The following ABCC11 variants were observed in gnomAD, a reference collection of about 807,000 sequenced individuals.
The protein encoded by ABCC11 is ATP-binding cassette sub-family C member 11.
ABCC11 carries 135 observed loss-of-function variants against 149.3 expected under a neutral mutation model. That is an observed-to-expected ratio of 0.90 (90% confidence interval 0.79 to 1.04). The LOEUF (loss-of-function observed/expected upper bound fraction) is 1.04. Among genes scored for constraint, ABCC11 ranks in the 50% least tolerant of loss-of-function variants. The pLI is 0.00. For synonymous variants in ABCC11, 665 were observed against 671.4 expected (o/e 0.99, Z 0.15); for missense variants, 1,680 against 1,722.1 (o/e 0.98, Z 0.43).
At chr16:48,231,092 T>G (rs956307236) in intron 2 of ABCC11, among the ~76,000 whole-genome samples, 2 of 152,044 alleles carry the variant, frequency 1.3e-5, no homozygotes, top group African/African-American at 2.4e-5. Context: ...AGTGGTTACA[T>G]CAGGTAGGAA....
intron 9 of ABCC11, among the ~76,000 whole-genome samples, chr16:48,214,181 T>C (rs1261078288): frequency 6.6e-6 from 1 of 152,064 alleles, no homozygotes; most frequent in Admixed American, 6.6e-5. Context: ...AGGAATGCCT[T>C]CGTCTAGACC....
At chr16:48,200,240 C>G (rs374196507) in intron 15 of ABCC11, 36 bp downstream of exon 15, 1 of 1,593,868 alleles carries the variant, frequency 6.3e-7, no homozygotes, top group Non-Finnish European at 8.6e-7. Context: ...CTACGTTATC[C>G]GTCAATCACA....
chr16:48,178,171 T>A (rs1216444969), intron 24 of ABCC11, among the ~76,000 whole-genome samples: 4 of 151,870 alleles, frequency 2.6e-5, no homozygotes, highest in Non-Finnish European at 5.9e-5. Context: ...GAAAAGAGAG[T>A]TTGAATAAGT....
At chr16:48,246,084 A>G (rs544498520) in intron 1 of ABCC11, among the ~76,000 whole-genome samples, 3 of 152,258 alleles carry the variant, frequency 2.0e-5, no homozygotes, top group African/African-American at 7.2e-5. Flanking sequence ...TGCTTTCTTC[A>G]GATTCTCAAA....
chr16:48,180,110 C>T (rs1449570625), intron 23 of ABCC11, among the ~76,000 whole-genome samples: 2 of 152,208 alleles, frequency 1.3e-5, no homozygotes, highest in East Asian at 1.9e-4. Flanking sequence ...TGGTCTTATG[C>T]TTCAGGGAAG....
chr16:48,205,956 G>A (rs1028902044), intron 12 of ABCC11, among the ~76,000 whole-genome samples: 1 of 152,042 alleles, frequency 6.6e-6, no homozygotes, highest in Non-Finnish European at 1.5e-5. Context: ...GACTACTGGC[G>A]CCTGCCACCA....
intron 14 of ABCC11, among the ~76,000 whole-genome samples, chr16:48,201,127 T>C (rs1567513730): frequency 6.6e-6 from 1 of 152,252 alleles, no homozygotes; most frequent in Non-Finnish European, 1.5e-5. Context: ...TAAAGATATA[T>C]GACTTTTAAA....
intron 1 of ABCC11, among the ~76,000 whole-genome samples, chr16:48,246,493 A>C (rs11076560): frequency 0.047 from 7,150 of 152,318 alleles, 237 homozygotes; most frequent in Middle Eastern, 0.15. Context: ...GAACTTGAAA[A>C]GTCGATTTAG....
At chr16:48,171,572 A>G (rs1239750837) in intron 26 of ABCC11, among the ~76,000 whole-genome samples, 1 of 152,248 alleles carries the variant, frequency 6.6e-6, no homozygotes. Context: ...GAAAGTACAT[A>G]ATATTTATCA....
rs1966138373 is a variant in ABCC11, at chr16:48,177,206, G to A, written c.3349-93C>T. 34 of 1,317,282 alleles carry A rather than the reference G, an allele frequency of 2.6e-5. No homozygotes were observed. The South Asian group carries it at 4.6e-4, about 18-fold the overall frequency. The allele number at this position is 1,317,282 out of a possible 1,614,324, so 81.6% of individuals were successfully genotyped here. ...GCCAGCCTCCCGCTGTAGGGGGTGTGACCCACCCCAGCCTGCCTTGCGCCA... is the reference window on the plus strand; with the variant it reads ...GCCAGCCTCCCGCTGTAGGGGGTGTAACCCACCCCAGCCTGCCTTGCGCCA... On this transcript the variant is annotated intron_variant, in intron 24 of 29. Transcript: ENST00000356608.
At chr16:48,181,660 G>C (rs373588297) in intron 23 of ABCC11, among the ~76,000 whole-genome samples, 7 of 151,636 alleles carry the variant, frequency 4.6e-5, no homozygotes, top group African/African-American at 1.7e-4. Context: ...ACCCAGGCTG[G>C]AGTGCAGTGG....
chr16:48,169,022 C>T (rs768918675), intron 28 of ABCC11, among the ~76,000 whole-genome samples: 15 of 152,142 alleles, frequency 9.9e-5, no homozygotes, highest in African/African-American at 2.2e-4. Context: ...CAAACCTGCA[C>T]GTTCTGCACA....
intron 6 of ABCC11, among the ~76,000 whole-genome samples, chr16:48,220,324 CT>C (rs1365134935): frequency 6.6e-6 from 1 of 152,208 alleles, no homozygotes; most frequent in Non-Finnish European, 1.5e-5. Flanking sequence ...CCTCAGTTTC[CT>C]CCTTTGTGAC....
At chr16:48,206,458 G>A (rs1169311427) in intron 12 of ABCC11, among the ~76,000 whole-genome samples, 2 of 152,124 alleles carry the variant, frequency 1.3e-5, no homozygotes, top group Non-Finnish European at 2.9e-5. Context: ...AAAACAACAC[G>A]TTAAAAACAA....
intron 26 of ABCC11, among the ~76,000 whole-genome samples, chr16:48,175,039 T>C (rs1410384746): frequency 6.6e-6 from 1 of 152,262 alleles, no homozygotes; most frequent in Admixed American, 6.5e-5. Flanking sequence ...TTTTTGCGTA[T>C]AACATTACGG....
At chr16:48,207,650 C>CA (rs1313888082) in intron 12 of ABCC11, among the ~76,000 whole-genome samples, 31 of 136,410 alleles carry the variant, frequency 2.3e-4, no homozygotes, top group Admixed American at 1.1e-3. Context: ...CTGGATGTGT[C>CA]AAAAAAAAGA....
chr16:48,230,749 A>C (rs1970372997), intron 2 of ABCC11, among the ~76,000 whole-genome samples, 176 bp from the exon 3 acceptor site: 1 of 151,652 alleles, frequency 6.6e-6, no homozygotes, highest in Admixed American at 6.6e-5. Flanking sequence ...GGATCCCAGC[A>C]CTCGCTCTGA....
chr16:48,228,081 A>G (rs1970194835), intron 3 of ABCC11, 117 bp from the exon 4 acceptor site: 3 of 954,906 alleles, frequency 3.1e-6, no homozygotes, highest in Non-Finnish European at 3.0e-6. Context: ...ACATGTTTTC[A>G]TGACTCTTAT....
rs1342782948 is a variant in ABCC11, at chr16:48,198,035, C to T, written c.2250G>A (p.Glu750=). Residue 750 remains glutamate (E), a synonymous_variant, in exon 17 of 30, where the codon GAG becomes GAA. Transcript: ENST00000356608. ...GAGCCTGACTTTCTACCTTTGGCTT[C>T]TCTGCTATCTTTGCTGTGTCCTGCA... is the stretch of plus-strand genomic sequence containing the variant. ...DMLQDTAKIA[E]KPKVESQALA... 1 of 1,614,208 alleles carries T rather than the reference C, an allele frequency of 6.2e-7. No homozygotes were observed. The highest frequency in any genetic ancestry group is 2.2e-5 in the East Asian group (1 of 44,876).
Sources: gnomAD v4.1 joint callset for allele counts (sites outside exome capture counted in the v4.1 genomes callset) on GRCh38, gnomAD v4.1.1 for gene constraint, MANE v1.5 for transcripts, NCBI Gene and HGNC (gene_info 2026-07-23, HGNC 2026-07-21) for gene names.